Variants in RERE observed in about 807,000 individuals in gnomAD.
RERE encodes the protein arginine-glutamic acid dipeptide repeats, also known as arginine-glutamic acid dipeptide repeats protein.
RERE carries 40 observed loss-of-function variants against 146.1 expected under a neutral mutation model. The ratio of observed to expected loss-of-function variants is 0.27; its 90% CI spans 0.21 to 0.36. The LOEUF is 0.36. Among genes scored for constraint, RERE ranks in the 10% least tolerant of loss-of-function variants. The probability of loss-of-function intolerance (pLI) is 1.00; values close to 1 mark genes in which losing one functional copy is unlikely to be tolerated. For missense variants in RERE, 1,933 were observed against 2,138.7 expected, an observed-to-expected ratio of 0.90 and a Z score of 1.90; for synonymous variants, 1,003 against 866.0, an observed-to-expected ratio of 1.16 and a Z score of -2.78.
chr1:8,599,079 C>A (rs981603451), intron 4 of RERE, among the ~76,000 whole-genome samples: 5 of 152,180 alleles, frequency 3.3e-5, no homozygotes, highest in African/African-American at 1.2e-4. Context: ...TGGCGGACAG[C>A]GGGGCAGGGG....
intron 1 of RERE, among the ~76,000 whole-genome samples, chr1:8,803,392 C>A (rs1029033398): frequency 6.6e-6 from 1 of 152,000 alleles, no homozygotes; most frequent in Non-Finnish European, 1.5e-5. Flanking sequence ...ATCGCTTGAA[C>A]CCGGGAGGTG....
At chr1:8,525,084 T>A (rs1033827866) in intron 7 of RERE, among the ~76,000 whole-genome samples, 1 of 152,324 alleles carries the variant, frequency 6.6e-6, no homozygotes, top group Admixed American at 6.5e-5. Context: ...CCATAAGCTC[T>A]AAAAGGAAGA....
Position 8,644,800 on chromosome 1 carries a change from A to G in RERE, c.325+11173T>C, listed in dbSNP as rs145215492. On this transcript the variant is annotated intron_variant, in intron 2 of 22. Coordinates refer to ENST00000400908, the MANE Select transcript of RERE (RefSeq NM_001042681.2). Reference sequence around the variant, plus strand: ...TGCTCACCACTGTGCCTGACTAGACATACAATTTTTGGCAACAGGAGAGCT... The same window carrying G: ...TGCTCACCACTGTGCCTGACTAGACGTACAATTTTTGGCAACAGGAGAGCT... Among the ~76,000 whole-genome samples the G allele has an allele frequency of 4.6e-3, 696 of 152,266 alleles. 6 individuals are homozygous for G. The highest frequency in any genetic ancestry group is 0.016 in the African/African-American group (668 of 41,570).
chr1:8,572,676 AGAAGTGGGAAAAACAG>A (rs1646235869), intron 4 of RERE, among the ~76,000 whole-genome samples: 1 of 152,256 alleles, frequency 6.6e-6, no homozygotes, highest in Non-Finnish European at 1.5e-5. Flanking sequence ...CTGAGTATAT[AGAAGTGGGAAAAACAG>A]GAAGTCCCAG....
intron 1 of RERE, among the ~76,000 whole-genome samples, chr1:8,712,459 G>A (rs916269689): frequency 4.6e-5 from 7 of 152,270 alleles, no homozygotes; most frequent in South Asian, 4.1e-4. Context: ...TGAAGAATAC[G>A]AGAGCCCTAT....
At chr1:8,360,037 G>GCCC in intron 18 of RERE, 51 bp from the exon 19 acceptor site, 3 of 1,506,044 alleles carry the variant, frequency 2.0e-6, no homozygotes, top group Non-Finnish European at 2.8e-6. Context: ...ACCCACCCCG[G>GCCC]CCCTCCCTCC....
In RERE at chr1:8,649,792, T is replaced by C. The variant is rs557859581; in HGVS notation, c.325+6181A>G. ...CACACTATGTGTACACTATTGTCAGTAGATGGCAGGAATTCAATGATGAGT... is the reference window on the plus strand; with the variant it reads ...CACACTATGTGTACACTATTGTCAGCAGATGGCAGGAATTCAATGATGAGT... On this transcript the variant is annotated intron_variant, in intron 2 of 22. Coordinates refer to ENST00000400908, the MANE Select transcript of RERE (RefSeq NM_001042681.2). Among the ~76,000 whole-genome samples the C allele has an allele frequency of 4.4e-4, 67 of 151,214 alleles. 1 individual carries two copies. The highest frequency in any genetic ancestry group is 2.7e-3 in the Admixed American group (41 of 15,194).
At chr1:8,786,116 T>A in intron 1 of RERE, 3 of 449,378 alleles carry the variant, frequency 6.7e-6, no homozygotes, top group South Asian at 6.3e-5. Flanking sequence ...GGCAGCAGTC[T>A]AACTTTCTTT....
intron 6 of RERE, among the ~76,000 whole-genome samples, chr1:8,550,919 C>A (rs1645927919): frequency 6.6e-6 from 1 of 152,140 alleles, no homozygotes. Context: ...CTGTTTCAAG[C>A]CCTAAACATA....
intron 1 of RERE, among the ~76,000 whole-genome samples, chr1:8,689,773 G>GAAA (rs370873260): frequency 7.8e-6 from 1 of 127,824 alleles, no homozygotes; most frequent in African/African-American, 2.8e-5. Context: ...ATGGATACAG[G>GAAA]AAAAAAAAAA....
At chr1:8,666,049 G>T (rs1012150535) in intron 1 of RERE, among the ~76,000 whole-genome samples, 1 of 152,136 alleles carries the variant, frequency 6.6e-6, no homozygotes, top group Non-Finnish European at 1.5e-5. Flanking sequence ...TGACTCCAGA[G>T]CCTATATGCT....
intron 2 of RERE, among the ~76,000 whole-genome samples, chr1:8,630,052 G>A (rs577042895): frequency 1.3e-5 from 2 of 152,262 alleles, no homozygotes; most frequent in Admixed American, 6.5e-5. Flanking sequence ...AATGCTTGGA[G>A]GTAACAGTCA....
At chr1:8,432,152 T>C (rs111635178) in intron 11 of RERE, among the ~76,000 whole-genome samples, 1 of 152,328 alleles carries the variant, frequency 6.6e-6, no homozygotes, top group African/African-American at 2.4e-5. Context: ...CAATTCCTAG[T>C]ACGTCCAAAC....
chr1:8,753,151 T>C (rs1640572460), intron 1 of RERE, among the ~76,000 whole-genome samples: 1 of 152,200 alleles, frequency 6.6e-6, no homozygotes, highest in Admixed American at 6.6e-5. Context: ...CCTGGGAGTT[T>C]CCTTCGGATG....
chr1:8,423,447 A>G lies in RERE; in HGVS notation c.1204-640T>C. 1 of 748,120 alleles carries G rather than the reference A, an allele frequency of 1.3e-6. No homozygotes were observed. The highest frequency in any genetic ancestry group is 1.6e-6 in the Non-Finnish European group (1 of 614,182). 46.3% of individuals were successfully genotyped at this position (748,120 alleles called of 1,614,324 possible). A position where few individuals can be genotyped will look rare whatever the true frequency, so the allele number is the denominator to read the frequency against. On this transcript the variant is annotated intron_variant, in intron 11 of 22. Coordinates refer to ENST00000400908, the MANE Select transcript of RERE (RefSeq NM_001042681.2). The surrounding 1 kb of genome is among the most constrained non-coding windows in gnomAD (Gnocchi z 5.4). ...CCGACGCCACTCGCCGCCCCCATCC[A>G]TTTTCGCAGCAGACTCGTCCCTAAC...
At chr1:8,355,671 C>A in intron 21 of RERE, 72 bp from the exon 22 acceptor site, 4 of 1,330,408 alleles carry the variant, frequency 3.0e-6, no homozygotes, top group Non-Finnish European at 4.1e-6. Flanking sequence ...GGCACAGGCA[C>A]AGCAAACGGC....
chr1:8,376,173 T>C (rs779137216), intron 12 of RERE, among the ~76,000 whole-genome samples: 3 of 152,220 alleles, frequency 2.0e-5, no homozygotes, highest in Non-Finnish European at 2.9e-5. Context: ...TCTAGATTTT[T>C]TTAAGTGAGG....
At chr1:8,379,185 G>T (rs1472453687) in intron 12 of RERE, among the ~76,000 whole-genome samples, 2 of 152,086 alleles carry the variant, frequency 1.3e-5, no homozygotes, top group Non-Finnish European at 2.9e-5. Context: ...GAAAACTGCT[G>T]CCAGCAGAAC....
chr1:8,751,952 A>C (rs1245244836), intron 1 of RERE, among the ~76,000 whole-genome samples: 1 of 8,762 alleles, frequency 1.1e-4, no homozygotes, highest in Admixed American at 3.0e-3. Context: ...TTAAGATTGC[A>C]AAAAAAAAAA....
Sources: gnomAD v4.1 joint callset for allele counts (sites outside exome capture counted in the v4.1 genomes callset) on GRCh38, gnomAD v4.1.1 for gene constraint, Gnocchi (gnomAD v3.1) non-coding constraint, MANE v1.5 for transcripts, NCBI Gene and HGNC (gene_info 2026-07-23, HGNC 2026-07-21) for gene names.